ANKS1B: variants seen among roughly 807,000 people sequenced by gnomAD.
ANKS1B encodes ankyrin repeat and sterile alpha motif domain-containing protein 1B.
Under a neutral mutation model 148.3 loss-of-function variants are expected in ANKS1B, and 36 were observed. The ratio of observed to expected loss-of-function variants is 0.24; its 90% CI spans 0.19 to 0.32. The LOEUF is 0.32. Among genes scored for constraint, ANKS1B ranks in the 10% least tolerant of loss-of-function variants. The pLI, the probability that ANKS1B is intolerant of heterozygous loss-of-function variation, is 1.00. For synonymous variants in ANKS1B, 542 were observed against 560.8 expected (o/e 0.97, Z 0.47); for missense variants, 1,157 against 1,542.6 (o/e 0.75, Z 4.19).
At chr12:99,154,864 A>T in intron 14 of ANKS1B, 3 of 1,533,964 alleles carry the variant, frequency 2.0e-6, no homozygotes, top group Non-Finnish European at 2.6e-6. Context: ...CCCCTTCATT[A>T]CCCAGCCCAG....
chr12:99,143,937 G>A (rs1182068156), intron 15 of ANKS1B, among the ~76,000 whole-genome samples: 1 of 151,854 alleles, frequency 6.6e-6, no homozygotes, highest in Non-Finnish European at 1.5e-5. Flanking sequence ...TTTTCCCTAT[G>A]GACTCAGATT....
At chr12:99,503,326 T>C (rs1404559739) in intron 10 of ANKS1B, among the ~76,000 whole-genome samples, 2 of 152,208 alleles carry the variant, frequency 1.3e-5, no homozygotes, top group East Asian at 1.9e-4. Context: ...TAACCTTTTA[T>C]CTTACCCAGA....
chr12:99,876,789 GAAAAGTATAAGTATA>G (rs1450351199), intron 1 of ANKS1B, among the ~76,000 whole-genome samples: 5 of 151,366 alleles, frequency 3.3e-5, no homozygotes, highest in Non-Finnish European at 7.4e-5. Flanking sequence ...TGTATGTTTG[GAAAAGTATAAGTATA>G]AAAAGTATGA....
intron 14 of ANKS1B, among the ~76,000 whole-genome samples, chr12:99,217,474 G>T (rs989361212): frequency 6.6e-6 from 1 of 152,034 alleles, no homozygotes; most frequent in African/African-American, 2.4e-5. Context: ...GTTCCATTAT[G>T]TTTCCTACCT....
intron 9 of ANKS1B, among the ~76,000 whole-genome samples, chr12:99,526,857 G>A (rs2096931831): frequency 6.6e-6 from 1 of 152,088 alleles, no homozygotes; most frequent in South Asian, 2.1e-4. Flanking sequence ...TTAGAAATAG[G>A]GTCACTGCAG....
intron 9 of ANKS1B, among the ~76,000 whole-genome samples, chr12:99,569,835 C>G (rs2153221396): frequency 6.6e-6 from 1 of 152,310 alleles, no homozygotes; most frequent in Middle Eastern, 3.4e-3. Flanking sequence ...CTCCCTCGGT[C>G]CAATCCTGCT....
At position 98,745,500 on chromosome 12, in the gene ANKS1B, C is replaced by A; in HGVS notation, c.*239G>T. On this transcript the variant is annotated 3_prime_UTR_variant, in exon 27 of 27. Transcript: ENST00000683438. ...TGGTGGGGAGGGGAGTCGGGAGCAT[C>A]AGGGAAAACCCATCTCAACTCACGC... 8.4e-7 allele frequency: 1 copy of A among 1,186,478 alleles called. No homozygotes were observed. The highest frequency in any genetic ancestry group is 1.0e-6 in the Non-Finnish European group (1 of 956,012). The allele number at this position is 1,186,478 out of a possible 1,614,324, so 73.5% of individuals were successfully genotyped here.
In ANKS1B at chr12:99,812,218, T is replaced by C. The variant is rs2068464067; in HGVS notation, c.309A>G (p.Gly103=). ...TAAGAATCTTCACAATTTCCACATCTCCTTTCCAGGCAGCCAGGTGAATAG... is the reference window on the plus strand; with the variant it reads ...TAAGAATCTTCACAATTTCCACATCCCCTTTCCAGGCAGCCAGGTGAATAG... ...YFPIHLAAWK[G]DVEIVKILIH... Residue 103 remains glycine (G), a synonymous_variant, in exon 3 of 27, where the codon GGA becomes GGG. Coordinates refer to ENST00000683438, the MANE Select transcript of ANKS1B (RefSeq NM_001352186.2). 2 of 1,612,112 alleles carry C rather than the reference T, an allele frequency of 1.2e-6. No homozygotes were observed. The highest frequency in any genetic ancestry group is 1.3e-5 in the African/African-American group (1 of 74,894).
chr12:98,878,342 C>T (rs1488554593), intron 17 of ANKS1B, among the ~76,000 whole-genome samples: 2 of 151,834 alleles, frequency 1.3e-5, no homozygotes, highest in Non-Finnish European at 2.9e-5. Flanking sequence ...CCACTGCACT[C>T]CAGCCTGGGT....
chr12:98,863,917 A>C (rs143947563), intron 17 of ANKS1B, among the ~76,000 whole-genome samples: 51 of 152,364 alleles, frequency 3.3e-4, no homozygotes, highest in Non-Finnish European at 5.9e-4. Context: ...TATTACTTAC[A>C]CACGCATACG....
intron 9 of ANKS1B, among the ~76,000 whole-genome samples, chr12:99,520,536 A>G (rs565111898): frequency 1.3e-5 from 2 of 152,226 alleles, no homozygotes; most frequent in South Asian, 4.1e-4. Flanking sequence ...TGATTATTAA[A>G]TACCTTGAAG....
In ANKS1B at chr12:99,984,929, G is replaced by C. The variant is rs964920753; in HGVS notation, c.-692C>G. 4.0e-5 allele frequency among the ~76,000 whole-genome samples: 6 copies of C among 150,876 alleles called. No homozygotes were observed. Among genetic ancestry groups the C allele is most frequent in the Admixed American group, 2.0e-4 (3 of 15,124 alleles). ...GCCCCTGGTGCGGCCCGAGTTGGGTGGCGGGCTGGCGGGGAGGGGCCGGGC... is the reference window on the plus strand; with the variant it reads ...GCCCCTGGTGCGGCCCGAGTTGGGTCGCGGGCTGGCGGGGAGGGGCCGGGC... On this transcript the variant is annotated 5_prime_UTR_variant, in exon 1 of 27. Transcript: ENST00000683438.
At chr12:99,807,654 C>T (rs929017933) in intron 3 of ANKS1B, among the ~76,000 whole-genome samples, 1 of 152,148 alleles carries the variant, frequency 6.6e-6, no homozygotes, top group African/African-American at 2.4e-5. Context: ...TATATGTTTA[C>T]TCATTTAATC....
chr12:99,504,890 ATATC>A (rs1567228983), intron 9 of ANKS1B, among the ~76,000 whole-genome samples: 1 of 151,978 alleles, frequency 6.6e-6, no homozygotes, highest in African/African-American at 2.4e-5. Context: ...TTTGTAATAT[ATATC>A]TATTATCTAG....
intron 4 of ANKS1B, among the ~76,000 whole-genome samples, chr12:99,797,672 A>C (rs187288885): frequency 6.6e-6 from 1 of 152,092 alleles, no homozygotes; most frequent in Admixed American, 6.6e-5. Flanking sequence ...GGGAAAAAAA[A>C]AAGACAAACC....
At chr12:99,470,350 A>G (rs747988360) in intron 10 of ANKS1B, among the ~76,000 whole-genome samples, 3 of 152,150 alleles carry the variant, frequency 2.0e-5, no homozygotes, top group Non-Finnish European at 4.4e-5. Context: ...TACAAAGACA[A>G]CTTCAAAAGT....
At chr12:99,594,365 C>T (rs2097735411) in intron 9 of ANKS1B, among the ~76,000 whole-genome samples, 1 of 151,984 alleles carries the variant, frequency 6.6e-6, no homozygotes, top group Admixed American at 6.6e-5. Flanking sequence ...GAGTATTTAT[C>T]TAAAGGAAAT....
chr12:99,970,429 A>G (rs2095544170), intron 1 of ANKS1B, among the ~76,000 whole-genome samples: 1 of 152,106 alleles, frequency 6.6e-6, no homozygotes, highest in South Asian at 2.1e-4. Context: ...TTAAGAAAAA[A>G]GTTGTTTTTA....
chr12:99,309,607 C>T (rs1383706765), intron 12 of ANKS1B, among the ~76,000 whole-genome samples: 1 of 151,936 alleles, frequency 6.6e-6, no homozygotes, highest in Non-Finnish European at 1.5e-5. Flanking sequence ...ACACATACAT[C>T]TAGTCACACA....
Sources: gnomAD v4.1 joint callset for allele counts (sites outside exome capture counted in the v4.1 genomes callset) on GRCh38, gnomAD v4.1.1 for gene constraint, MANE v1.5 for transcripts, NCBI Gene and HGNC (gene_info 2026-07-23, HGNC 2026-07-21) for gene names.